The following RARB variants were observed in gnomAD, a reference collection of about 807,000 sequenced individuals.
RARB encodes HBV-activated protein.
A neutral mutation model predicts 51.9 loss-of-function variants in RARB; 17 were observed. That is an observed-to-expected ratio of 0.33 (90% CI 0.22 to 0.49). RARB has a LOEUF of 0.49. RARB is among the 20% of genes least tolerant of loss of function. The pLI, the probability that RARB is intolerant of heterozygous loss-of-function variation, is 0.99. For synonymous variants in RARB, 215 were observed against 195.4 expected, an observed-to-expected ratio of 1.10 and a Z score of -0.84; for missense variants, 369 against 550.8, an observed-to-expected ratio of 0.67 and a Z score of 3.30.
chr3:25,305,992 T>C (rs1704143907), intron 5 of RARB, among the ~76,000 whole-genome samples: 1 of 152,172 alleles, frequency 6.6e-6, no homozygotes. Context: ...TAATCTGCCA[T>C]ATAGAGAGCT....
chr3:25,207,671 AAG>A (rs1212677478), intron 5 of RARB, among the ~76,000 whole-genome samples: 2 of 152,170 alleles, frequency 1.3e-5, no homozygotes, highest in Admixed American at 1.3e-4. Context: ...AAACCCTGTA[AAG>A]AGTTTTGTTT....
chr3:25,326,988 C>G (rs560432694), intron 5 of RARB, among the ~76,000 whole-genome samples: 217 of 152,146 alleles, frequency 1.4e-3, no homozygotes, highest in Non-Finnish European at 1.9e-3. Flanking sequence ...ATCCCTCCCC[C>G]CTCCTCCCAC....
At chr3:25,005,339 AGCTGAGCTAGTG>A (rs1409471715) in intron 2 of RARB, among the ~76,000 whole-genome samples, 1 of 152,198 alleles carries the variant, frequency 6.6e-6, no homozygotes, top group Non-Finnish European at 1.5e-5. Flanking sequence ...ATTTGGGAGT[AGCTGAGCTAGTG>A]GCTCTGCCTA....
At chr3:25,164,677 G>T (rs1446520550) in intron 4 of RARB, among the ~76,000 whole-genome samples, 5 of 152,034 alleles carry the variant, frequency 3.3e-5, no homozygotes, top group Non-Finnish European at 7.4e-5. Context: ...CTACTTTGGG[G>T]ACCCTATTAT....
intron 5 of RARB, among the ~76,000 whole-genome samples, chr3:25,283,870 G>A (rs904931437): frequency 5.3e-5 from 8 of 152,150 alleles, no homozygotes; most frequent in African/African-American, 1.4e-4. Context: ...CTCTAGTAGC[G>A]CTCAGTGATC....
chr3:24,945,155 T>G (rs1695747184), intron 2 of RARB, among the ~76,000 whole-genome samples: 1 of 152,248 alleles, frequency 6.6e-6, no homozygotes, highest in Non-Finnish European at 1.5e-5. Flanking sequence ...TGGGTTTGCT[T>G]TTCTTTGTAA....
intron 2 of RARB, among the ~76,000 whole-genome samples, chr3:25,004,173 ATGACCACATCAC>A (rs1427489325): frequency 6.6e-6 from 1 of 152,142 alleles, no homozygotes. Context: ...TAAGGCAGTG[ATGACCACATCAC>A]TGATAGCCAT....
chr3:24,894,813 G>A (rs895968389), intron 2 of RARB, among the ~76,000 whole-genome samples: 1 of 152,194 alleles, frequency 6.6e-6, no homozygotes. Flanking sequence ...TGAAGAAGAT[G>A]TAGTACTTGC....
intron 2 of RARB, among the ~76,000 whole-genome samples, chr3:24,930,450 A>T (rs531322748): frequency 6.6e-6 from 1 of 152,206 alleles, no homozygotes; most frequent in South Asian, 2.1e-4. Flanking sequence ...ATTCACAATC[A>T]TGAGATAAAA....
chr3:25,271,839 T>C (rs1345597383), intron 5 of RARB, among the ~76,000 whole-genome samples: 1 of 152,210 alleles, frequency 6.6e-6, no homozygotes, highest in Non-Finnish European at 1.5e-5. Context: ...TCAATCTTGC[T>C]GAATAAGCTA....
rs147143951 is a variant in RARB, at chr3:24,899,185, A to G, written c.-380+40433A>G. Among the ~76,000 whole-genome samples, 716 of 152,320 alleles carry G rather than the reference A, an allele frequency of 4.7e-3. 6 individuals carry two copies. The highest frequency in any genetic ancestry group is 8.1e-3 in the Non-Finnish European group (550 of 68,024). On this transcript the variant is annotated intron_variant, in intron 2 of 11. Transcript: ENST00000383772. The stretch of plus-strand genomic sequence containing the variant: ...TCTTCAATCACTATTAAAAATTTCA[A>G]GATGACAGCAGAGCATTAAACCAAG...
intron 5 of RARB, among the ~76,000 whole-genome samples, chr3:25,396,362 T>C (rs948898209): frequency 4.6e-5 from 7 of 152,220 alleles, no homozygotes; most frequent in African/African-American, 1.7e-4. Flanking sequence ...GGAGTTGTCA[T>C]GTGGACAGAC....
At chr3:25,210,347 CCAGCAAAT>C (rs1161368469) in intron 5 of RARB, among the ~76,000 whole-genome samples, 2 of 151,822 alleles carry the variant, frequency 1.3e-5, no homozygotes, top group Non-Finnish European at 2.9e-5. Context: ...TGACCACAGG[CCAGCAAAT>C]TATGACCACA....
At chr3:25,262,092 G>A (rs1018931080) in intron 5 of RARB, among the ~76,000 whole-genome samples, 5 of 152,068 alleles carry the variant, frequency 3.3e-5, no homozygotes, top group African/African-American at 1.2e-4. Flanking sequence ...TCCCTACTAT[G>A]GGAAGCTCTC....
intron 3 of RARB, among the ~76,000 whole-genome samples, chr3:25,065,702 C>T (rs890717362): frequency 6.6e-6 from 1 of 152,112 alleles, no homozygotes; most frequent in Admixed American, 6.5e-5. Context: ...CACTTCGTAC[C>T]ATATCTGAGA....
intron 2 of RARB, among the ~76,000 whole-genome samples, chr3:24,967,287 T>G (rs1696296972): frequency 6.6e-6 from 1 of 152,124 alleles, no homozygotes; most frequent in South Asian, 2.1e-4. Context: ...AGCATCTGTC[T>G]CCTGTAAGAT....
At chr3:25,216,357 T>G (rs1701831717) in intron 5 of RARB, among the ~76,000 whole-genome samples, 1 of 152,172 alleles carries the variant, frequency 6.6e-6, no homozygotes, top group Admixed American at 6.5e-5. Flanking sequence ...ATTGATAGAC[T>G]GGATAAAGAA....
At chr3:25,199,233 G>T (rs1701329566) in intron 5 of RARB, among the ~76,000 whole-genome samples, 2 of 151,938 alleles carry the variant, frequency 1.3e-5, no homozygotes, top group Admixed American at 6.6e-5. Flanking sequence ...TTATTTGAGG[G>T]AGCTAAAAAT....
chr3:25,333,298 A>G (rs1704960702), intron 5 of RARB, among the ~76,000 whole-genome samples: 1 of 152,218 alleles, frequency 6.6e-6, no homozygotes, highest in Non-Finnish European at 1.5e-5. Context: ...TACAGTAACC[A>G]AAACAGCATG....
Sources: gnomAD v4.1 joint callset for allele counts (sites outside exome capture counted in the v4.1 genomes callset) on GRCh38, gnomAD v4.1.1 for gene constraint, MANE v1.5 for transcripts, NCBI Gene and HGNC (gene_info 2026-07-23, HGNC 2026-07-21) for gene names.